The following PCDHA1 variants were observed in gnomAD, a reference collection of about 807,000 sequenced individuals.
PCDHA1 encodes the protein protocadherin alpha 1, also known as protocadherin alpha-1.
Under a neutral mutation model 61.3 loss-of-function variants are expected in PCDHA1, and 42 were observed. That is an observed-to-expected ratio of 0.69 (90% CI 0.54 to 0.89). PCDHA1 has a LOEUF of 0.89. PCDHA1 is among the 40% of genes least tolerant of loss of function. PCDHA1 has a pLI of 0.00. For synonymous variants in PCDHA1, 610 were observed against 553.8 expected, an observed-to-expected ratio of 1.10 and a Z score of -1.43; for missense variants, 1,256 against 1,235.3, an observed-to-expected ratio of 1.02 and a Z score of -0.25.
chr5:140,877,321 G>A (rs1554169599), intron 1 of PCDHA1: 2 of 1,614,000 alleles, frequency 1.2e-6, no homozygotes, highest in South Asian at 2.2e-5. Context: ...GGCGGCGGTC[G>A]GCGCGCACAT....
At chr5:140,986,738 G>T (rs1483741648) in intron 3 of PCDHA1, among the ~76,000 whole-genome samples, 1 of 152,168 alleles carries the variant, frequency 6.6e-6, no homozygotes, top group Admixed American at 6.5e-5. Flanking sequence ...AAGACCCCAG[G>T]GGATCTGGGA....
chr5:140,858,074 A>T (rs782716439), intron 1 of PCDHA1: 3 of 1,597,640 alleles, frequency 1.9e-6, no homozygotes, highest in Middle Eastern at 1.7e-4. Context: ...CCAGGCACCC[A>T]AGGCCTCGTC....
intron 1 of PCDHA1, chr5:140,801,789 A>G (rs1762785227): frequency 4.3e-6 from 7 of 1,614,036 alleles, no homozygotes; most frequent in Non-Finnish European, 5.9e-6. Context: ...CGTGTTGAAA[A>G]AAAATTTAAA....
intron 1 of PCDHA1, among the ~76,000 whole-genome samples, chr5:140,937,679 G>A (rs1357548421): frequency 5.9e-5 from 9 of 151,884 alleles, no homozygotes; most frequent in African/African-American, 1.9e-4. Context: ...TTGGGAGGCT[G>A]AGGCAGGCGG....
chr5:140,847,046 G>A (rs1554141633), intron 1 of PCDHA1, among the ~76,000 whole-genome samples: 1 of 149,680 alleles, frequency 6.7e-6, no homozygotes, highest in Non-Finnish European at 1.5e-5. Flanking sequence ...AAGGAAAGTT[G>A]AAGACACAGA....
rs1026092245 is a variant in PCDHA1 at position 140,987,228 on chromosome 5, T to A, written c.2542+4665T>A. On this transcript the variant is annotated intron_variant, in intron 3 of 3. Transcript: ENST00000504120. The stretch of plus-strand genomic sequence containing the variant: ...GACTCCATCTCAAAAAAAAAAAAAA[T>A]AATAAATAAAGAAAGAAAGACATTC... Among the ~76,000 whole-genome samples, 392 of 149,148 alleles carry A rather than the reference T, an allele frequency of 2.6e-3. 1 individual carries two copies. Among genetic ancestry groups the A allele is most frequent in the African/African-American group, 8.3e-3 (336 of 40,458 alleles).
chr5:140,830,481 C>A (rs2150187126), intron 1 of PCDHA1: 1 of 1,505,878 alleles, frequency 6.6e-7, no homozygotes, highest in East Asian at 2.4e-5. Flanking sequence ...GATCATGATG[C>A]CAAAGTAAGT....
At chr5:140,858,172 G>A (rs1554151243) in intron 1 of PCDHA1, 1 of 1,597,816 alleles carries the variant, frequency 6.3e-7, no homozygotes, top group South Asian at 1.1e-5. Context: ...TGTCCAGCTT[G>A]CTGGTGCTCA....
intron 1 of PCDHA1, chr5:140,797,112 G>C (rs782227076): frequency 6.2e-7 from 1 of 1,614,032 alleles, no homozygotes; most frequent in East Asian, 2.2e-5. Context: ...TCACGGTGCT[G>C]CTGTACACTG....
intron 1 of PCDHA1, among the ~76,000 whole-genome samples, chr5:140,923,179 G>T (rs982663028): frequency 3.3e-5 from 5 of 152,130 alleles, no homozygotes; most frequent in Admixed American, 1.3e-4. Flanking sequence ...TTGTTCAGAT[G>T]CATCTACTGC....
At chr5:140,954,653 T>C (rs1467846481) in intron 1 of PCDHA1, among the ~76,000 whole-genome samples, 3 of 152,244 alleles carry the variant, frequency 2.0e-5, no homozygotes, top group Admixed American at 6.5e-5. Flanking sequence ...TTAAGTTCCT[T>C]GTAGACTCTG....
intron 3 of PCDHA1, among the ~76,000 whole-genome samples, chr5:140,989,715 G>A (rs2097356088): frequency 6.6e-6 from 1 of 152,166 alleles, no homozygotes; most frequent in Non-Finnish European, 1.5e-5. Flanking sequence ...GAGGCAGTCA[G>A]CTTTGCAGTT....
At chr5:140,833,728 T>C (rs1554133934) in intron 1 of PCDHA1, among the ~76,000 whole-genome samples, 1 of 147,810 alleles carries the variant, frequency 6.8e-6, no homozygotes, top group Non-Finnish European at 1.5e-5. Context: ...TAGTTGCTAA[T>C]GTTTCTTGCC....
intron 1 of PCDHA1, chr5:140,828,164 A>C: frequency 3.1e-6 from 5 of 1,614,130 alleles, no homozygotes; most frequent in Non-Finnish European, 4.2e-6. Flanking sequence ...CGCAGCCTGG[A>C]AGGTGGGGAG....
At chr5:140,951,746 C>A (rs2094627797) in intron 1 of PCDHA1, among the ~76,000 whole-genome samples, 1 of 152,128 alleles carries the variant, frequency 6.6e-6, no homozygotes, top group African/African-American at 2.4e-5. Flanking sequence ...ACTGCCCTCA[C>A]CCTCCGCGAA....
At chr5:140,801,346 A>G (rs1554121412) in intron 1 of PCDHA1, 1 of 1,613,340 alleles carries the variant, frequency 6.2e-7, no homozygotes. Flanking sequence ...CGCATCGCGC[A>G]GGACCTGGGG....
At chr5:140,801,393 G>T in intron 1 of PCDHA1, 1 of 1,613,656 alleles carries the variant, frequency 6.2e-7, no homozygotes, top group South Asian at 1.1e-5. Context: ...CCTGTTCCGG[G>T]TGGCGTCCAA....
rs60872775 is a variant in PCDHA1 at position 140,857,509 on chromosome 5, C to G, written c.2394+68825C>G. 2,646 of 1,598,160 alleles carry G rather than the reference C, an allele frequency of 1.7e-3. 197 individuals carry two copies. In the African/African-American group the frequency reaches 0.032, roughly 19 times the overall value. ...GGGACGCGGACGCGCAGGAGAACGCCCTGGTGTCCTACTCTCTGGTGGAGC... is the reference window on the plus strand; with the variant it reads ...GGGACGCGGACGCGCAGGAGAACGCGCTGGTGTCCTACTCTCTGGTGGAGC... On this transcript the variant is annotated intron_variant, in intron 1 of 3. Transcript: ENST00000504120.
At chr5:140,842,163 T>G (rs1777744239) in intron 1 of PCDHA1, 1 of 1,613,748 alleles carries the variant, frequency 6.2e-7, no homozygotes, top group African/African-American at 1.3e-5. Context: ...TCATATTCTT[T>G]TAATAGCCTT....
Sources: allele counts gnomAD v4.1 joint callset (sites outside exome capture counted in the v4.1 genomes callset), GRCh38; gene constraint gnomAD v4.1.1; transcripts MANE v1.5; gene names NCBI Gene and HGNC (gene_info 2026-07-23, HGNC 2026-07-21).